The following MAPK6 variants were observed in gnomAD, a reference collection of about 807,000 sequenced individuals.
The protein encoded by MAPK6 is mitogen-activated protein kinase 6.
MAPK6 carries 19 observed loss-of-function variants against 59.3 expected under a neutral mutation model. The observed-to-expected ratio is 0.32, with a 90% CI of 0.22 to 0.47. MAPK6 has a LOEUF of 0.47. Ranked by LOEUF, MAPK6 falls within the 20% of genes least tolerant of loss-of-function variation. The pLI is 1.00. For missense variants in MAPK6, 724 were observed against 847.9 expected, an observed-to-expected ratio of 0.85 and a Z score of 1.81; for synonymous variants, 316 against 290.3, an observed-to-expected ratio of 1.09 and a Z score of -0.90.
At chr15:52,031,393 T>C (rs1396148630) in intron 1 of MAPK6, among the ~76,000 whole-genome samples, 1 of 152,194 alleles carries the variant, frequency 6.6e-6, no homozygotes, top group Non-Finnish European at 1.5e-5. Context: ...CATTCATGTG[T>C]GATCTTGAAT....
At chr15:51,982,092 C>T (rs967067000) in intron 1 of MAPK6, among the ~76,000 whole-genome samples, 1 of 152,114 alleles carries the variant, frequency 6.6e-6, no homozygotes, top group African/African-American at 2.4e-5. Flanking sequence ...ACTTCCCTGC[C>T]AACCAAAATT....
At chr15:52,045,458 GCTT>G (rs1443040508) in intron 1 of MAPK6, among the ~76,000 whole-genome samples, 3 of 152,224 alleles carry the variant, frequency 2.0e-5, no homozygotes, top group East Asian at 1.9e-4. Flanking sequence ...CACATTGCAG[GCTT>G]CTTCTATATT....
chr15:52,006,347 A>G (rs1335691000), intron 3 of MAPK6, among the ~76,000 whole-genome samples: 2 of 152,254 alleles, frequency 1.3e-5, no homozygotes, highest in African/African-American at 2.4e-5. Flanking sequence ...ATACCAGGTC[A>G]TAGAAAGAGG....
intron 1 of MAPK6, among the ~76,000 whole-genome samples, chr15:52,025,797 TAAA>T (rs1398301872): frequency 2.0e-5 from 3 of 151,864 alleles, no homozygotes; most frequent in Non-Finnish European, 4.4e-5. Flanking sequence ...CAAAAAAAAA[TAAA>T]AATAGTTGGA....
At chr15:52,007,703 C>CA (rs72079500) in intron 3 of MAPK6, among the ~76,000 whole-genome samples, 54,937 of 125,882 alleles carry the variant, frequency 0.44, 11,231 homozygotes, top group Non-Finnish European at 0.5. Flanking sequence ...AGCTCTATCT[C>CA]AAAAAAAAAA....
upstream of MAPK6, chr15:52,017,377 G>T (rs2030302480): frequency 6.6e-6 from 1 of 152,152 alleles, no homozygotes; most frequent in South Asian, 2.1e-4. Context: ...TCTTAAGGAT[G>T]GGGGAGATTA....
intron 2 of MAPK6, among the ~76,000 whole-genome samples, chr15:51,994,337 G>A (rs1400292335): frequency 6.6e-6 from 1 of 152,106 alleles, no homozygotes; most frequent in African/African-American, 2.4e-5. Context: ...CCGGGCTGAG[G>A]CAGATGCTGG....
chr15:52,058,813 A>AGTAACCCTCACGTTAATGCCTGT lies in MAPK6; in HGVS notation c.865+19_865+41dup, dbSNP rs749231641. The stretch of plus-strand genomic sequence containing the variant: ...AGTCGAGAAGGTATTGTGACTCGAG[A>AGTAACCCTCACGTTAATGCCTGT]GTAACCCTCACGTTAATGCCTGTGT... On this transcript the variant is annotated intron_variant, in intron 4 of 5. Transcript: ENST00000261845. 1 of 1,599,634 alleles carries AGTAACCCTCACGTTAATGCCTGT rather than the reference A, an allele frequency of 6.3e-7. No individual in the cohort carries two copies. Among genetic ancestry groups the AGTAACCCTCACGTTAATGCCTGT allele is most frequent in the Admixed American group, 1.7e-5 (1 of 58,608 alleles).
At chr15:51,984,202 A>G (rs2141809619) in intron 2 of MAPK6, among the ~76,000 whole-genome samples, 1 of 152,292 alleles carries the variant, frequency 6.6e-6, no homozygotes, top group East Asian at 1.9e-4. Context: ...AGGTTGATGA[A>G]TGTGTATTGA....
upstream of MAPK6, among the ~76,000 whole-genome samples, chr15:52,016,912 C>T (rs1043677725): frequency 2.6e-5 from 4 of 152,076 alleles, no homozygotes; most frequent in South Asian, 2.1e-4. Context: ...GGTGTGCTGG[C>T]GCGCACCTGT....
At chr15:51,976,221 G>A (rs913509618) in intron 1 of MAPK6, among the ~76,000 whole-genome samples, 6 of 147,416 alleles carry the variant, frequency 4.1e-5, no homozygotes, top group African/African-American at 5.0e-5. Context: ...AGCTGAGATC[G>A]TGCCACTGCA....
chr15:52,024,574 TGTTTTTA>T (rs2030677199), intron 1 of MAPK6: 2 of 152,232 alleles, frequency 1.3e-5, no homozygotes, highest in Admixed American at 1.3e-4. Flanking sequence ...TAATTTTTTG[TGTTTTTA>T]GTAGAGACGG....
intron 3 of MAPK6, among the ~76,000 whole-genome samples, chr15:52,052,453 T>A (rs2031814226): frequency 6.6e-6 from 1 of 152,208 alleles, no homozygotes; most frequent in South Asian, 2.1e-4. Flanking sequence ...AATAATATAG[T>A]TCCATATTTT....
intron 2 of MAPK6, among the ~76,000 whole-genome samples, chr15:52,049,029 ACTCT>A (rs1166617185): frequency 5.3e-5 from 8 of 152,134 alleles, no homozygotes; most frequent in African/African-American, 1.9e-4. Context: ...AGCAGATCTC[ACTCT>A]CTCAGTCATC....
rs1466606130 is a variant in MAPK6, at chr15:52,063,824, G to A, written c.1068-78G>A. On this transcript the variant is annotated intron_variant, in intron 5 of 5. Coordinates refer to ENST00000261845, the MANE Select transcript of MAPK6 (RefSeq NM_002748.4). ...CCCCTCATAGACCTAGCACAGTGCT[G>A]TCACATAGAAGGTACTCGGTGAATT... 6 of 1,306,972 alleles carry A rather than the reference G, an allele frequency of 4.6e-6. No homozygotes were observed. In the Admixed American group the frequency reaches 1.2e-4, roughly 26 times the overall value. 81.0% of individuals were successfully genotyped at this position (1,306,972 alleles called of 1,614,324 possible).
At chr15:52,032,964 C>T (rs766807622) in intron 1 of MAPK6, among the ~76,000 whole-genome samples, 6 of 152,142 alleles carry the variant, frequency 3.9e-5, no homozygotes, top group African/African-American at 7.2e-5. Flanking sequence ...GGGTTACAGG[C>T]GTGAGCCACC....
chr15:51,982,377 CT>C (rs1475042099), intron 1 of MAPK6, among the ~76,000 whole-genome samples: 1 of 152,164 alleles, frequency 6.6e-6, no homozygotes, highest in Non-Finnish European at 1.5e-5. Context: ...GAATTTCATG[CT>C]TGCAATGGCA....
intron 1 of MAPK6, among the ~76,000 whole-genome samples, chr15:52,045,352 TGAA>T (rs1345915383): frequency 1.3e-5 from 2 of 152,244 alleles, no homozygotes; most frequent in East Asian, 1.9e-4. Context: ...TCTTATAAGT[TGAA>T]GAACATTATT....
intron 1 of MAPK6, among the ~76,000 whole-genome samples, chr15:52,033,261 T>A (rs1436777439): frequency 6.6e-6 from 1 of 152,202 alleles, no homozygotes; most frequent in Non-Finnish European, 1.5e-5. Context: ...TGGGTGTGTC[T>A]GTCAGGGTGT....
Sources: gnomAD v4.1 joint callset for allele counts (sites outside exome capture counted in the v4.1 genomes callset) on GRCh38, gnomAD v4.1.1 for gene constraint, MANE v1.5 for transcripts, NCBI Gene and HGNC (gene_info 2026-07-23, HGNC 2026-07-21) for gene names.